RYR2: variants seen among roughly 807,000 people sequenced by gnomAD.
RYR2 encodes the protein cardiac muscle ryanodine receptor-calcium release channel.
In RYR2, 227 loss-of-function variants were observed where a neutral mutation model predicts 601.1. The observed-to-expected ratio is 0.38, with a 90% CI of 0.34 to 0.42. The LOEUF is 0.42. RYR2 is among the 10% of genes least tolerant of loss of function. The pLI is 1.00. For missense variants in RYR2, 4,646 were observed against 6,156.5 expected (o/e 0.75, Z 8.21); for synonymous variants, 2,223 against 2,175.1 (o/e 1.02, Z -0.61).
At chr1:237,636,402 T>G (rs1680876549) in intron 44 of RYR2, among the ~76,000 whole-genome samples, 1 of 152,096 alleles carries the variant, frequency 6.6e-6, no homozygotes, top group South Asian at 2.1e-4. Context: ...GACATACCAG[T>G]CCAGGATCAT....
chr1:237,306,764 G>C (rs138821127), intron 2 of RYR2, among the ~76,000 whole-genome samples: 3 of 152,084 alleles, frequency 2.0e-5, no homozygotes, highest in Admixed American at 2.0e-4. Flanking sequence ...ATTTTACGTC[G>C]TCTGCTGGTT....
At position 237,651,515 on chromosome 1, in the gene RYR2, A is replaced by G; in HGVS notation, c.7824+14A>G. 1 of 1,453,746 alleles carries G rather than the reference A, an allele frequency of 6.9e-7. No individual in the cohort carries two copies. The highest frequency in any genetic ancestry group is 9.5e-7 in the Non-Finnish European group (1 of 1,056,910). 90.1% of individuals were successfully genotyped at this position (1,453,746 alleles called of 1,614,324 possible). A position where few individuals can be genotyped will look rare whatever the true frequency, so the allele number is the denominator to read the frequency against. Reference sequence around the variant, plus strand: ...ATGCCTCTTAAAGTAAGTATAGGAAATGTTTGTAGATATTTGATTACTGGC... The same window carrying G: ...ATGCCTCTTAAAGTAAGTATAGGAAGTGTTTGTAGATATTTGATTACTGGC... On this transcript the variant is annotated intron_variant, in intron 51 of 104. Coordinates refer to ENST00000366574, the MANE Select transcript of RYR2 (RefSeq NM_001035.3).
rs4086647 is a variant in RYR2 at position 237,314,093 on chromosome 1, C to G, written c.169-16785C>G. ...TTTTTTTTTTTTTTTGAGATGGAGT[C>G]TTGCTCTGTTGCCCAGGCTGGAGTG... On this transcript the variant is annotated intron_variant, in intron 2 of 104. Coordinates refer to ENST00000366574, the MANE Select transcript of RYR2 (RefSeq NM_001035.3). 6.1e-3 allele frequency among the ~76,000 whole-genome samples: 658 copies of G among 107,116 alleles called. 12 individuals are homozygous for G. The highest frequency in any genetic ancestry group is 0.022 in the African/African-American group (626 of 28,026). The allele number at this position is 107,116 out of a possible 152,430, so 70.3% of individuals were successfully genotyped here. A position where few individuals can be genotyped will look rare whatever the true frequency, so the allele number is the denominator to read the frequency against.
Position 237,374,737 on chromosome 1 carries a change from C to T in RYR2, c.405C>T (p.Thr135=). Residue 135 remains threonine, a synonymous_variant, in exon 7 of 105, where the codon ACC becomes ACT. Coordinates refer to ENST00000366574, the MANE Select transcript of RYR2 (RefSeq NM_001035.3). ...YSGMYLCCLS[T]SRSSTDKLAF... is the part of the protein sequence containing the mutation. ...TGTAGTATCTGTGCTGCCTGTCCAC[C>T]TCCCGGTCTTCAACTGATAAGCTGG... is the stretch of plus-strand genomic sequence containing the variant. 1.2e-6 allele frequency: 2 copies of T among 1,612,924 alleles called. No homozygotes were observed. Among genetic ancestry groups the T allele is most frequent in the Non-Finnish European group, 1.7e-6 (2 of 1,179,460 alleles).
intron 35 of RYR2, among the ~76,000 whole-genome samples, chr1:237,609,531 G>GTT (rs911149763): frequency 6.7e-6 from 1 of 150,286 alleles, no homozygotes; most frequent in East Asian, 2.0e-4. Flanking sequence ...CACCATTTTT[G>GTT]TTTTTTTTTA....
chr1:237,248,334 A>AT (rs1159988053), intron 1 of RYR2, among the ~76,000 whole-genome samples: 15 of 138,640 alleles, frequency 1.1e-4, no homozygotes, highest in African/African-American at 3.8e-4. Flanking sequence ...AAAAAAATCC[A>AT]TTGGTTTCAA....
At chr1:237,240,744 T>G (rs536966523) in intron 1 of RYR2, among the ~76,000 whole-genome samples, 1 of 146,040 alleles carries the variant, frequency 6.8e-6, no homozygotes, top group South Asian at 2.2e-4. Context: ...TAAATTGGGA[T>G]AAGGATCTTT....
intron 53 of RYR2, 67 bp downstream of exon 53, chr1:237,656,051 G>A: frequency 2.0e-6 from 3 of 1,495,284 alleles, no homozygotes; most frequent in South Asian, 2.5e-5. Context: ...AATTGAATAA[G>A]GTACTAAAGT....
intron 1 of RYR2, among the ~76,000 whole-genome samples, chr1:237,049,620 A>G (rs1359062357): frequency 6.6e-6 from 1 of 152,184 alleles, no homozygotes; most frequent in East Asian, 1.9e-4. Context: ...GGGTCCCTGG[A>G]AATCCTCATC....
At chr1:237,827,959 A>C (rs1663351633) in intron 101 of RYR2, among the ~76,000 whole-genome samples, 1 of 149,384 alleles carries the variant, frequency 6.7e-6, no homozygotes, top group South Asian at 2.1e-4. Context: ...AAAAAAAAAA[A>C]AAAAAAAGAC....
At chr1:237,111,590 TA>T (rs71178394) in intron 1 of RYR2, among the ~76,000 whole-genome samples, 77,276 of 119,954 alleles carry the variant, frequency 0.64, 24,989 homozygotes, top group East Asian at 0.87. Flanking sequence ...TCCGTCTCTT[TA>T]AAAAAAAAAA....
intron 17 of RYR2, among the ~76,000 whole-genome samples, chr1:237,490,628 G>T (rs537663847): frequency 6.1e-4 from 93 of 152,110 alleles, no homozygotes; most frequent in Non-Finnish European, 1.1e-3. Context: ...GTTATGCATT[G>T]TTGGAACACA....
intron 63 of RYR2, among the ~76,000 whole-genome samples, chr1:237,688,941 A>G (rs1686692748): frequency 6.6e-6 from 1 of 151,926 alleles, no homozygotes; most frequent in Non-Finnish European, 1.5e-5. Flanking sequence ...AATTTTTTTG[A>G]GGTATTCCAT....
chr1:237,334,738 G>T (rs567943880), intron 3 of RYR2, among the ~76,000 whole-genome samples: 1 of 152,028 alleles, frequency 6.6e-6, no homozygotes, highest in East Asian at 1.9e-4. Flanking sequence ...TCCCCCACTG[G>T]GTTTTCTGTG....
chr1:237,165,183 A>C (rs1485990421), intron 1 of RYR2, among the ~76,000 whole-genome samples: 1 of 151,490 alleles, frequency 6.6e-6, no homozygotes, highest in East Asian at 1.9e-4. Context: ...GCATTTATTC[A>C]TTTTATTTAT....
At chr1:237,155,968 C>G (rs558968155) in intron 1 of RYR2, among the ~76,000 whole-genome samples, 6 of 152,300 alleles carry the variant, frequency 3.9e-5, no homozygotes, top group African/African-American at 1.4e-4. Context: ...CATGTGCTGT[C>G]CCTCTTAATC....
Position 237,832,639 on chromosome 1 carries a change from C to T in RYR2, c.14896C>T (p.Leu4966=), listed in dbSNP as rs368031082. The T allele has an allele frequency of 5.6e-6, 9 of 1,606,198 alleles. No homozygotes were observed. In the African/African-American group the frequency reaches 1.1e-4, roughly 19 times the overall value. Residue 4966 remains leucine (L), a synonymous_variant, in exon 105 of 105, where the codon CTA becomes TTA. Transcript: ENST00000366574. ...CTTCCGGAAACAGTATGAAGACCAG[C>T]TAAATTAAACTCAGACCCAATCACC... is the stretch of plus-strand genomic sequence containing the variant. The part of the protein sequence containing the change: ...DCFRKQYEDQ[L]N
chr1:237,560,299 A>G (rs1671319788), intron 27 of RYR2, among the ~76,000 whole-genome samples: 1 of 152,248 alleles, frequency 6.6e-6, no homozygotes, highest in Admixed American at 6.5e-5. Flanking sequence ...CAAAGCTGCA[A>G]GGCTAACAAA....
chr1:237,611,314 C>T lies in RYR2; in HGVS notation c.4910+326C>T, dbSNP rs12121663. On this transcript the variant is annotated intron_variant, in intron 36 of 104. Coordinates refer to ENST00000366574, the MANE Select transcript of RYR2 (RefSeq NM_001035.3). Reference sequence around the variant, plus strand: ...AACTGCAATCCGACTTATGACTTAGCAGAGTACTGTAATAGAGAATAGTGA... The same window carrying T: ...AACTGCAATCCGACTTATGACTTAGTAGAGTACTGTAATAGAGAATAGTGA... 0.36 allele frequency among the ~76,000 whole-genome samples: 54,966 copies of T among 151,916 alleles called. 12,684 individuals carry two copies. The highest frequency in any genetic ancestry group is 0.51 in the Non-Finnish European group (34,903 of 67,918).
Sources: gnomAD v4.1 joint callset for allele counts (sites outside exome capture counted in the v4.1 genomes callset) on GRCh38, gnomAD v4.1.1 for gene constraint, MANE v1.5 for transcripts, NCBI Gene and HGNC (gene_info 2026-07-23, HGNC 2026-07-21) for gene names.